The following IQCH variants were observed in gnomAD, a reference collection of about 807,000 sequenced individuals.
IQCH encodes IQ domain-containing protein H.
Under a neutral mutation model 117.0 loss-of-function variants are expected in IQCH, and 98 were observed. That is an observed-to-expected ratio of 0.84 (90% CI 0.71 to 0.99). The LOEUF is 0.99. Ranked by LOEUF, IQCH falls within the 50% of genes least tolerant of loss-of-function variation. The pLI, the probability that IQCH is intolerant of heterozygous loss-of-function variation, is 0.00. For missense variants in IQCH, 1,102 were observed against 1,243.8 expected, an observed-to-expected ratio of 0.89 and a Z score of 1.72; for synonymous variants, 412 against 448.2, an observed-to-expected ratio of 0.92 and a Z score of 1.02.
chr15:67,302,171 AGATG>A (rs946531876), intron 4 of IQCH, among the ~76,000 whole-genome samples: 27 of 152,210 alleles, frequency 1.8e-4, no homozygotes, highest in African/African-American at 5.5e-4. Flanking sequence ...TAGACGTGAT[AGATG>A]AAGCTATTAC....
Position 67,304,519 on chromosome 15 carries a change from G to A in IQCH, c.387+25007G>A. On this transcript the variant is annotated intron_variant, in intron 4 of 20. Coordinates refer to ENST00000335894, the MANE Select transcript of IQCH (RefSeq NM_001031715.3). ...AAGAAATAAAAGTCATTTATTAGTA[G>A]TGTAAGATGTAATGTAGATGTTAAG... The A allele has an allele frequency of 3.8e-6, 3 of 792,956 alleles. No homozygotes were observed. In the Admixed American group the frequency reaches 8.3e-5, roughly 22 times the overall value. The allele number at this position is 792,956 out of a possible 1,614,324, so 49.1% of individuals were successfully genotyped here. A position where few individuals can be genotyped will look rare whatever the true frequency, so the allele number is the denominator to read the frequency against.
Position 67,413,214 on chromosome 15 carries a change from C to G in IQCH, c.2098-3717C>G, listed in dbSNP as rs1456744866. Reference sequence around the variant, plus strand: ...ATTATGTTTGAACTATGCAAAATGACAAAAACCAGAGAACAGAAAGCCCCC... The same window carrying G: ...ATTATGTTTGAACTATGCAAAATGAGAAAAACCAGAGAACAGAAAGCCCCC... On this transcript the variant is annotated intron_variant, in intron 14 of 20. Transcript: ENST00000335894. This position sits in a 1 kb window ranked among gnomAD's most constrained non-coding sequence, Gnocchi z 5.0. Among the ~76,000 whole-genome samples the G allele has an allele frequency of 1.3e-5, 2 of 152,074 alleles. No homozygotes were observed. Among genetic ancestry groups the G allele is most frequent in the East Asian group, 1.9e-4 (1 of 5,196 alleles).
chr15:67,400,054 A>T, intron 13 of IQCH, 60 bp from the exon 14 acceptor site: 1 of 1,399,604 alleles, frequency 7.1e-7, no homozygotes, highest in South Asian at 1.3e-5. Context: ...AGTTGTTACG[A>T]TAAAAAGGAA....
Position 67,421,371 on chromosome 15 carries a change from A to G in IQCH, c.2299A>G (p.Ile767Val). 1 of 1,614,172 alleles carries G rather than the reference A, an allele frequency of 6.2e-7. No individual in the cohort carries two copies. The highest frequency in any genetic ancestry group is 8.5e-7 in the Non-Finnish European group (1 of 1,180,012). The part of the protein sequence containing the change: ...VDMLIEPNGK[I>V]SVLSTGDQLH... The stretch of plus-strand genomic sequence containing the variant: ...CATGCTGATAGAGCCCAACGGGAAA[A>G]TCAGCGTGCTGTCGACAGGGGACCA... Residue 767 changes from isoleucine to valine, a missense_variant, in exon 16 of 21, where the codon ATC becomes GTC. By Grantham distance (29) the Ile-to-Val change is conservative. Coordinates refer to ENST00000335894, the MANE Select transcript of IQCH (RefSeq NM_001031715.3).
chr15:67,446,326 T>G (rs2140979079), intron 16 of IQCH, among the ~76,000 whole-genome samples: 1 of 152,342 alleles, frequency 6.6e-6, no homozygotes, highest in Admixed American at 6.5e-5. Flanking sequence ...GAATTTACAC[T>G]TATCTGCCAT....
At chr15:67,360,943 TA>T (rs1970105001) in intron 8 of IQCH, among the ~76,000 whole-genome samples, 1 of 152,254 alleles carries the variant, frequency 6.6e-6, no homozygotes, top group South Asian at 2.1e-4. Flanking sequence ...TTCTGCAGGT[TA>T]AAAATAGGAT....
rs1256849965 is a variant in IQCH, at chr15:67,286,604, TTATTTATTTATG to T, written c.387+7104_387+7115del. Among the ~76,000 whole-genome samples, 273 of 121,184 alleles carry T rather than the reference TTATTTATTTATG, an allele frequency of 2.3e-3. 2 individuals are homozygous for T. Among genetic ancestry groups the T allele is most frequent in the East Asian group, 7.6e-3 (26 of 3,442 alleles). 79.5% of individuals were successfully genotyped at this position (121,184 alleles called of 152,430 possible). Reference sequence around the variant, plus strand: ...GGCTTTTATTTATTTATTTATTTATTTATTTATTTATGTATTTATTTATTGAGTAGAGTCTCG... The same window carrying T: ...GGCTTTTATTTATTTATTTATTTATTTATTTATTTATTGAGTAGAGTCTCG... On this transcript the variant is annotated intron_variant, in intron 4 of 20. Transcript: ENST00000335894.
intron 4 of IQCH, among the ~76,000 whole-genome samples, chr15:67,302,787 G>C (rs1967110390): frequency 6.6e-6 from 1 of 152,184 alleles, no homozygotes; most frequent in Admixed American, 6.5e-5. Context: ...AACCTGGGAG[G>C]CGGAGGTTTC....
rs1000290282 is a variant in IQCH at position 67,311,584 on chromosome 15, T to A, written c.388-25391T>A. On this transcript the variant is annotated intron_variant, in intron 4 of 20. Transcript: ENST00000335894. ...TATAGTAAATATATAATATAAATAT[T>A]TATATAATATATAATGTAAGCACAT... is the stretch of plus-strand genomic sequence containing the variant. Among the ~76,000 whole-genome samples, 14 of 148,234 alleles carry A rather than the reference T, an allele frequency of 9.4e-5. No individual in the cohort carries two copies. In the South Asian group the frequency reaches 1.0e-3, roughly 11 times the overall value.
At chr15:67,420,644 C>G (rs2081712292) in intron 15 of IQCH, among the ~76,000 whole-genome samples, 1 of 152,070 alleles carries the variant, frequency 6.6e-6, no homozygotes, top group African/African-American at 2.4e-5. Context: ...CCAGACTTGC[C>G]TCTATGATTT....
At position 67,494,022 on chromosome 15, in the gene IQCH, C is replaced by T. The variant is rs946525743; in HGVS notation, c.2862-236C>T. On this transcript the variant is annotated intron_variant, in intron 19 of 20. Coordinates refer to ENST00000335894, the MANE Select transcript of IQCH (RefSeq NM_001031715.3). This position sits in a 1 kb window ranked among gnomAD's most constrained non-coding sequence, Gnocchi z 5.5. ...GTAGACTTTCGCTAGAAATGACCTA[C>T]CCTATTGGTATATTCTGCTAAGTTG... Among the ~76,000 whole-genome samples, 5 of 152,190 alleles carry T rather than the reference C, an allele frequency of 3.3e-5. No individual in the cohort carries two copies. Among genetic ancestry groups the T allele is most frequent in the African/African-American group, 1.2e-4 (5 of 41,430 alleles).
rs1192150990 is a variant in IQCH, at chr15:67,430,380, A to G, written c.2505+8803A>G. The G allele has an allele frequency of 6.6e-6, 1 of 151,976 alleles. No homozygotes were observed. The highest frequency in any genetic ancestry group is 1.5e-5 in the Non-Finnish European group (1 of 67,998). 9.4% of individuals were successfully genotyped at this position (151,976 alleles called of 1,614,324 possible). A position where few individuals can be genotyped will look rare whatever the true frequency, so the allele number is the denominator to read the frequency against. ...TTGAACAAACACCTTCAGAGGACCT[A>G]CTCTGGCTTCCTGTTAGGTGCTGTG... On this transcript the variant is annotated intron_variant, in intron 16 of 20. Transcript: ENST00000335894. The surrounding 1 kb of genome is among the most constrained non-coding windows in gnomAD (Gnocchi z 5.1).
rs1971361493 is a variant in IQCH at position 67,393,658 on chromosome 15, C to T, written c.1633-1633C>T. Among the ~76,000 whole-genome samples the T allele has an allele frequency of 6.6e-6, 1 of 151,838 alleles. No individual in the cohort carries two copies. The highest frequency in any genetic ancestry group is 2.4e-5 in the African/African-American group (1 of 41,332). ...GCCTCAGGCTTTTAGTAGCTGGGAC[C>T]ACAGGTGTGTACCACCACATACCTG... On this transcript the variant is annotated intron_variant, in intron 12 of 20. Transcript: ENST00000335894. The surrounding 1 kb of genome is among the most constrained non-coding windows in gnomAD (Gnocchi z 5.5).
At chr15:67,316,391 A>G (rs919889187) in intron 4 of IQCH, among the ~76,000 whole-genome samples, 1 of 152,092 alleles carries the variant, frequency 6.6e-6, no homozygotes, top group African/African-American at 2.4e-5. Flanking sequence ...AACTGTAACC[A>G]TTTTACTTGT....
intron 16 of IQCH, among the ~76,000 whole-genome samples, chr15:67,428,534 A>G (rs891282826): frequency 6.6e-6 from 1 of 152,136 alleles, no homozygotes; most frequent in African/African-American, 2.4e-5. Flanking sequence ...AGGTGGCCCC[A>G]ATATAATCAC....
In IQCH at chr15:67,388,614, G is replaced by A. The variant is rs901911784; in HGVS notation, c.1457-217G>A. 3.3e-5 allele frequency among the ~76,000 whole-genome samples: 5 copies of A among 152,094 alleles called. No individual in the cohort carries two copies. The highest frequency in any genetic ancestry group is 3.8e-4 in the East Asian group (2 of 5,196). ...CTGAAGGAATCATTGCATCTATTTCGTTGGTGGTGGTGTTATTTATATTTT... is the reference window on the plus strand; with the variant it reads ...CTGAAGGAATCATTGCATCTATTTCATTGGTGGTGGTGTTATTTATATTTT... On this transcript the variant is annotated intron_variant, in intron 11 of 20. Coordinates refer to ENST00000335894, the MANE Select transcript of IQCH (RefSeq NM_001031715.3). This position sits in a 1 kb window ranked among gnomAD's most constrained non-coding sequence, Gnocchi z 5.5.
At chr15:67,271,000 G>T (rs760621866) in intron 3 of IQCH, among the ~76,000 whole-genome samples, 1 of 152,004 alleles carries the variant, frequency 6.6e-6, no homozygotes, top group Non-Finnish European at 1.5e-5. Context: ...TTGAAGTCTC[G>T]CTCTGTTGCC....
chr15:67,474,433 C>G lies in IQCH; in HGVS notation c.2677-1263C>G, dbSNP rs2083152576. On this transcript the variant is annotated intron_variant, in intron 17 of 20. Transcript: ENST00000335894. The surrounding 1 kb of genome is among the most constrained non-coding windows in gnomAD (Gnocchi z 4.1). ...TATATGCAGTTCTCCAAATTTCCAG[C>G]TATCTAGAGAAAAACAGCTGATTGA... is the stretch of plus-strand genomic sequence containing the variant. 6.6e-6 allele frequency among the ~76,000 whole-genome samples: 1 copy of G among 152,152 alleles called. No homozygotes were observed. The highest frequency in any genetic ancestry group is 1.5e-5 in the Non-Finnish European group (1 of 68,040).
rs571449318 is a variant in IQCH at position 67,277,612 on chromosome 15, C to T, written c.270-1783C>T. On this transcript the variant is annotated intron_variant, in intron 3 of 20. Coordinates refer to ENST00000335894, the MANE Select transcript of IQCH (RefSeq NM_001031715.3). ...GCAGTGGCGCAATCTCGGCTCACTG[C>T]AAGCTCCGCCTTCCGGGTTCATGCC... is the stretch of plus-strand genomic sequence containing the variant. Among the ~76,000 whole-genome samples, 17 of 150,904 alleles carry T rather than the reference C, an allele frequency of 1.1e-4. No individual in the cohort carries two copies. The East Asian group carries it at 3.0e-3, about 26-fold the overall frequency.
Sources: gnomAD v4.1 joint callset for allele counts (sites outside exome capture counted in the v4.1 genomes callset) on GRCh38, gnomAD v4.1.1 for gene constraint, Gnocchi (gnomAD v3.1) non-coding constraint, MANE v1.5 for transcripts, NCBI Gene and HGNC (gene_info 2026-07-23, HGNC 2026-07-21) for gene names.